Variants in RHD observed in about 807,000 individuals in gnomAD.
RHD encodes blood group Rh(D) polypeptide.
In RHD, 16 loss-of-function variants were observed where a neutral mutation model predicts 45.5. The observed-to-expected ratio is 0.35, with a 90% CI of 0.24 to 0.53. The LOEUF is 0.53. Ranked by LOEUF, RHD falls within the 20% of genes least tolerant of loss-of-function variation. The pLI, the probability that RHD is intolerant of heterozygous loss-of-function variation, is 0.92. For synonymous variants in RHD, 131 were observed against 217.5 expected, an observed-to-expected ratio of 0.60 and a Z score of 3.50; for missense variants, 306 against 532.0, an observed-to-expected ratio of 0.58 and a Z score of 4.18.
rs1266601821 is a variant in RHD, at chr1:25,291,657, T to A, written c.486+866T>A. 2.3e-5 allele frequency among the ~76,000 whole-genome samples: 3 copies of A among 132,460 alleles called. 1 individual carries two copies. The highest frequency in any genetic ancestry group is 5.4e-5 in the Non-Finnish European group (3 of 55,924). 86.9% of individuals were successfully genotyped at this position (132,460 alleles called of 152,430 possible). A position where few individuals can be genotyped will look rare whatever the true frequency, so the allele number is the denominator to read the frequency against. ...ATGGTTATATAAAAGTAATTAATTCTCAGAGCCTCACCAGCAGTGGGTCCA... is the reference window on the plus strand; with the variant it reads ...ATGGTTATATAAAAGTAATTAATTCACAGAGCCTCACCAGCAGTGGGTCCA... On this transcript the variant is annotated intron_variant, in intron 3 of 9. Transcript: ENST00000328664.
rs573497704 is a variant in RHD at position 25,323,851 on chromosome 1, G to A, written c.1227+1889G>A. 1.4e-3 allele frequency among the ~76,000 whole-genome samples: 167 copies of A among 122,884 alleles called. 1 individual carries two copies. Among genetic ancestry groups the A allele is most frequent in the Non-Finnish European group, 2.1e-3 (115 of 54,248 alleles). The allele number at this position is 122,884 out of a possible 152,430, so 80.6% of individuals were successfully genotyped here. A position where few individuals can be genotyped will look rare whatever the true frequency, so the allele number is the denominator to read the frequency against. Reference sequence around the variant, plus strand: ...AGCATGATTATTCTGAGAATCATCCGTGTTGTTGCGTGTAACTGACTTCAT... The same window carrying A: ...AGCATGATTATTCTGAGAATCATCCATGTTGTTGCGTGTAACTGACTTCAT... On this transcript the variant is annotated intron_variant, in intron 9 of 9. Transcript: ENST00000328664.
rs766713626 is a variant in RHD, at chr1:25,290,648, CTGGCCACCA to C, written c.346_354del (p.Ala116_Met118del). The C allele has an allele frequency of 1.5e-6, 2 of 1,378,242 alleles. 1 individual carries two copies. Among genetic ancestry groups the C allele is most frequent in the Non-Finnish European group, 2.0e-6 (2 of 977,978 alleles). 85.4% of individuals were successfully genotyped at this position (1,378,242 alleles called of 1,614,324 possible). A position where few individuals can be genotyped will look rare whatever the true frequency, so the allele number is the denominator to read the frequency against. On this transcript the variant is annotated inframe_deletion, in exon 3 of 10. Transcript: ENST00000328664. ...TCTCCCTCTCTCCCCCAGTATTCGG[CTGGCCACCA>C]TGAGTGCTTTGTCGGTGCTGATCTC...
chr1:25,282,113 T>G (rs1301765200), intron 1 of RHD, among the ~76,000 whole-genome samples: 1 of 132,524 alleles, frequency 7.5e-6, no homozygotes, highest in African/African-American at 2.6e-5. Context: ...CATTATTTCC[T>G]TTGGATTTCC....
At position 25,278,615 on chromosome 1, in the gene RHD, T is replaced by G. The variant is rs1641219254; in HGVS notation, c.148+5920T>G. ...GGGGGCCATTACTGTAACAATCGCC[T>G]ACCAGGCAGAGCTTCCCTAAGGCTT... On this transcript the variant is annotated intron_variant, in intron 1 of 9. Transcript: ENST00000328664. Among the ~76,000 whole-genome samples, 2 of 131,210 alleles carry G rather than the reference T, an allele frequency of 1.5e-5. 1 individual carries two copies. Among genetic ancestry groups the G allele is most frequent in the African/African-American group, 5.2e-5 (2 of 38,548 alleles). 86.1% of individuals were successfully genotyped at this position (131,210 alleles called of 152,430 possible). A position where few individuals can be genotyped will look rare whatever the true frequency, so the allele number is the denominator to read the frequency against.
chr1:25,319,777 G>A (rs1313513895), intron 8 of RHD, among the ~76,000 whole-genome samples: 1 of 132,718 alleles, frequency 7.5e-6, no homozygotes, highest in Non-Finnish European at 1.8e-5. Flanking sequence ...CATAGTTATT[G>A]GGTTTCTCAG....
Position 25,301,626 on chromosome 1 carries a change from C to T in RHD, c.741C>T (p.Val247=), listed in dbSNP as rs764180382. The T allele has an allele frequency of 1.4e-6, 2 of 1,380,448 alleles. No homozygotes were observed. The allele number at this position is 1,380,448 out of a possible 1,614,324, so 85.5% of individuals were successfully genotyped here. The part of the protein sequence containing the change: ...AVFNTYYAVA[V]SVVTAISGSS... ...TCAACACCTACTATGCTGTAGCAGT[C>T]AGCGTGGTGACAGCCATCTCAGGGT... Residue 247 remains valine, a synonymous_variant, in exon 5 of 10, where the codon GTC becomes GTT. Transcript: ENST00000328664.
intron 1 of RHD, among the ~76,000 whole-genome samples, chr1:25,280,239 G>A (rs1641354063): frequency 7.8e-6 from 1 of 128,188 alleles, no homozygotes; most frequent in Admixed American, 7.6e-5. Flanking sequence ...TGGAATCAGG[G>A]AATCGGGATC....
At chr1:25,287,884 T>G (rs113602313) in intron 2 of RHD, among the ~76,000 whole-genome samples, 2,816 of 124,512 alleles carry the variant, frequency 0.023, 438 homozygotes, top group African/African-American at 0.068. Flanking sequence ...TACCATGCCC[T>G]GCTAATTTTT....
chr1:25,291,161 T>TAGAC (rs377224052), intron 3 of RHD, among the ~76,000 whole-genome samples: 1,542 of 124,122 alleles, frequency 0.012, 189 homozygotes, highest in East Asian at 0.038. Flanking sequence ...GATAGATAGA[T>TAGAC]AGACAGACAG....
At position 25,298,871 on chromosome 1, in the gene RHD, A is replaced by G. The variant is rs1381367134; in HGVS notation, c.487-2075A>G. Among the ~76,000 whole-genome samples, 2 of 128,832 alleles carry G rather than the reference A, an allele frequency of 1.6e-5. 1 individual carries two copies. Among genetic ancestry groups the G allele is most frequent in the Non-Finnish European group, 3.6e-5 (2 of 54,876 alleles). 84.5% of individuals were successfully genotyped at this position (128,832 alleles called of 152,430 possible). On this transcript the variant is annotated intron_variant, in intron 3 of 9. Coordinates refer to ENST00000328664, the MANE Select transcript of RHD (RefSeq NM_016124.6). ...ATGAAATGGAGAAAAGAAACACGAA[A>G]AGTTGGGGAGAGAGGATAACTGTTT... is the stretch of plus-strand genomic sequence containing the variant.
rs1352536021 is a variant in RHD at position 25,291,413 on chromosome 1, G to A, written c.486+622G>A. On this transcript the variant is annotated intron_variant, in intron 3 of 9. Coordinates refer to ENST00000328664, the MANE Select transcript of RHD (RefSeq NM_016124.6). ...GAACCCGAGAGGTGGAGGTTGCAGT[G>A]AACCGAGATCGCGCCATTGCACTGC... 3.6e-4 allele frequency among the ~76,000 whole-genome samples: 47 copies of A among 132,052 alleles called. 11 individuals carry two copies. Among genetic ancestry groups the A allele is most frequent in the African/African-American group, 1.1e-3 (44 of 38,656 alleles). The allele number at this position is 132,052 out of a possible 152,430, so 86.6% of individuals were successfully genotyped here.
intron 5 of RHD, among the ~76,000 whole-genome samples, chr1:25,302,554 T>A (rs2020138): frequency 7.7e-5 from 10 of 129,468 alleles, no homozygotes; most frequent in African/African-American, 2.4e-4. Context: ...CAGAGGCTAA[T>A]CCTAGGTGAG....
At chr1:25,305,084 G>A (rs1643695094) in intron 6 of RHD, among the ~76,000 whole-genome samples, 1 of 132,714 alleles carries the variant, frequency 7.5e-6, no homozygotes, top group African/African-American at 2.6e-5. Flanking sequence ...CAGCAAGAGG[G>A]CACATCTGAG....
At position 25,308,354 on chromosome 1, in the gene RHD, C is replaced by G. The variant is rs1643959413; in HGVS notation, c.1073+1625C>G. Among the ~76,000 whole-genome samples, 2 of 113,480 alleles carry G rather than the reference C, an allele frequency of 1.8e-5. 1 individual carries two copies. The highest frequency in any genetic ancestry group is 4.1e-5 in the Non-Finnish European group (2 of 48,326). The allele number at this position is 113,480 out of a possible 152,430, so 74.4% of individuals were successfully genotyped here. On this transcript the variant is annotated intron_variant, in intron 7 of 9. Coordinates refer to ENST00000328664, the MANE Select transcript of RHD (RefSeq NM_016124.6). ...GCCCTACCTACGGCCCCACCCCAGA[C>G]CTACCCAGTTAGAAATCTGGGGGTG... is the stretch of plus-strand genomic sequence containing the variant.
intron 7 of RHD, among the ~76,000 whole-genome samples, chr1:25,316,236 G>A (rs1231547072): frequency 7.7e-6 from 1 of 129,788 alleles, no homozygotes; most frequent in African/African-American, 2.6e-5. Context: ...GGGTAGGGAT[G>A]GGCAGGGGAG....
rs2124578010 is a variant in RHD at position 25,272,756 on chromosome 1, C to T, written c.148+61C>T. The T allele has an allele frequency of 5.1e-6, 7 of 1,367,896 alleles. 2 individuals carry two copies. In the South Asian group the frequency reaches 8.3e-5, roughly 16 times the overall value. The allele number at this position is 1,367,896 out of a possible 1,614,324, so 84.7% of individuals were successfully genotyped here. ...ATAGCAGGGGCAGGGGCGGGGGAGGCCTGTGGTTCTCCAGGGGCACAGATG... is the reference window on the plus strand; with the variant it reads ...ATAGCAGGGGCAGGGGCGGGGGAGGTCTGTGGTTCTCCAGGGGCACAGATG... On this transcript the variant is annotated intron_variant, in intron 1 of 9. Coordinates refer to ENST00000328664, the MANE Select transcript of RHD (RefSeq NM_016124.6).
chr1:25,294,024 A>G, intron 3 of RHD: 1 of 565,474 alleles, frequency 1.8e-6, no homozygotes. Context: ...TAAATTCTGA[A>G]AATAATCTTG....
rs139704879 is a variant in RHD at position 25,303,355 on chromosome 1, G to A, written c.835G>A (p.Val279Met). Residue 279 changes from valine to methionine, a missense_variant, in exon 6 of 10, where the codon GTG (valine) becomes ATG (methionine). Transcript: ENST00000328664. Reference protein sequence around the residue: ...YVHSAVLAGGVAVGTSCHLIP... With the variant: ...YVHSAVLAGGMAVGTSCHLIP... ...GCACAGTGCGGTGTTGGCAGGAGGC[G>A]TGGCTGTGGGTACCTCGTGTCACCT... is the stretch of plus-strand genomic sequence containing the variant. 2,268 of 1,372,024 alleles carry A rather than the reference G, an allele frequency of 1.7e-3. 403 individuals are homozygous for A. The African/African-American group carries it at 0.024, about 14-fold the overall frequency. 85.0% of individuals were successfully genotyped at this position (1,372,024 alleles called of 1,614,324 possible). A position where few individuals can be genotyped will look rare whatever the true frequency, so the allele number is the denominator to read the frequency against.
At chr1:25,319,478 G>A (rs1451089877) in intron 8 of RHD, among the ~76,000 whole-genome samples, 1 of 131,832 alleles carries the variant, frequency 7.6e-6, no homozygotes, top group Non-Finnish European at 1.8e-5. Flanking sequence ...AGGCGTGGTG[G>A]TACACCTGTA....
Sources: gnomAD v4.1 joint callset for allele counts (sites outside exome capture counted in the v4.1 genomes callset) on GRCh38, gnomAD v4.1.1 for gene constraint, MANE v1.5 for transcripts, NCBI Gene and HGNC (gene_info 2026-07-23, HGNC 2026-07-21) for gene names.